The following XXYLT1 variants were observed in gnomAD, a reference collection of about 807,000 sequenced individuals.
XXYLT1 encodes the protein xyloside xylosyltransferase 1.
XXYLT1 carries 20 observed loss-of-function variants against 28.9 expected under a neutral mutation model. That is an observed-to-expected ratio of 0.69 (90% CI 0.49 to 1.00). The LOEUF is 1.00. XXYLT1 is among the 50% of genes least tolerant of loss of function. The pLI, the probability that XXYLT1 is intolerant of heterozygous loss-of-function variation, is 0.00. For missense variants in XXYLT1, 542 were observed against 560.1 expected, an observed-to-expected ratio of 0.97 and a Z score of 0.33; for synonymous variants, 257 against 253.8, an observed-to-expected ratio of 1.01 and a Z score of -0.12.
chr3:195,227,772 C>T (rs911970103), intron 1 of XXYLT1, among the ~76,000 whole-genome samples: 2 of 152,200 alleles, frequency 1.3e-5, no homozygotes, highest in African/African-American at 4.8e-5. Context: ...CCACCATAAA[C>T]GCATCCTCAT....
chr3:195,263,537 C>T (rs1354386214), intron 1 of XXYLT1, among the ~76,000 whole-genome samples: 2 of 152,208 alleles, frequency 1.3e-5, no homozygotes, highest in Non-Finnish European at 2.9e-5. Context: ...CCAGGCGCCC[C>T]TCACGCTGTG....
chr3:195,260,451 G>A (rs1319785383), intron 1 of XXYLT1, among the ~76,000 whole-genome samples: 1 of 152,172 alleles, frequency 6.6e-6, no homozygotes, highest in Non-Finnish European at 1.5e-5. Flanking sequence ...TGACCCCCCT[G>A]GGCAGCCTCG....
rs2108736795 is a variant in XXYLT1, at chr3:195,180,859, C to T, written c.653-24278G>A. 6.6e-6 allele frequency among the ~76,000 whole-genome samples: 1 copy of T among 152,376 alleles called. No individual in the cohort carries two copies. The highest frequency in any genetic ancestry group is 1.9e-4 in the East Asian group (1 of 5,194). On this transcript the variant is annotated intron_variant, in intron 2 of 3. Coordinates refer to ENST00000310380, the MANE Select transcript of XXYLT1 (RefSeq NM_152531.5). The surrounding 1 kb of genome is among the most constrained non-coding windows in gnomAD (Gnocchi z 5.8). The stretch of plus-strand genomic sequence containing the variant: ...TGCTCGTGAGGGGTCCTCAAGGCCA[C>T]TGTCGCCCAGACCTTTAGCTATACA...
chr3:195,114,999 C>T (rs1052448099), intron 3 of XXYLT1, among the ~76,000 whole-genome samples: 20 of 152,214 alleles, frequency 1.3e-4, no homozygotes, highest in African/African-American at 2.2e-4. Context: ...AGGCCCCACC[C>T]GTTCCACTCG....
chr3:195,204,191 A>ATCTT (rs1722968531), intron 2 of XXYLT1, among the ~76,000 whole-genome samples: 1 of 151,836 alleles, frequency 6.6e-6, no homozygotes, highest in Non-Finnish European at 1.5e-5. Context: ...AAACATACAA[A>ATCTT]GATTAGCCGG....
intron 2 of XXYLT1, among the ~76,000 whole-genome samples, chr3:195,204,795 A>G (rs1177220337): frequency 6.6e-6 from 1 of 152,262 alleles, no homozygotes; most frequent in East Asian, 1.9e-4. Context: ...TAGGAAACGC[A>G]GGGGCAGACA....
At chr3:195,092,749 A>G (rs1716184871) in intron 3 of XXYLT1, among the ~76,000 whole-genome samples, 1 of 113,094 alleles carries the variant, frequency 8.8e-6, no homozygotes, top group Admixed American at 8.2e-5. Flanking sequence ...GGCAACCTAC[A>G]GAATGGGAGA....
intron 3 of XXYLT1, among the ~76,000 whole-genome samples, chr3:195,075,664 T>G (rs888607475): frequency 2.6e-5 from 4 of 152,150 alleles, no homozygotes; most frequent in Admixed American, 2.6e-4. Flanking sequence ...GAGAGCTGGG[T>G]GCCCGAGTGG....
In XXYLT1 at chr3:195,255,291, G is replaced by A. The variant is rs372517483; in HGVS notation, c.504+15264C>T. Among the ~76,000 whole-genome samples, 46 of 152,322 alleles carry A rather than the reference G, an allele frequency of 3.0e-4. No individual in the cohort carries two copies. In the South Asian group the frequency reaches 9.1e-3, roughly 30 times the overall value. ...ACGGCAGGACTGGGGCTGCAGGAGTGCAGAGCCAGGTGGGAGACAGCAGCG... is the reference window on the plus strand; with the variant it reads ...ACGGCAGGACTGGGGCTGCAGGAGTACAGAGCCAGGTGGGAGACAGCAGCG... On this transcript the variant is annotated intron_variant, in intron 1 of 3. Transcript: ENST00000310380. The surrounding 1 kb of genome is among the most constrained non-coding windows in gnomAD (Gnocchi z 4.5).
intron 2 of XXYLT1, among the ~76,000 whole-genome samples, chr3:195,166,091 T>A (rs1262933535): frequency 6.6e-6 from 1 of 151,856 alleles, no homozygotes; most frequent in African/African-American, 2.4e-5. Context: ...AGGCTCCAAT[T>A]TTCATTGGAA....
At chr3:195,070,167 C>T in intron 3 of XXYLT1, 56 bp from the exon 4 acceptor site, 1 of 1,499,536 alleles carries the variant, frequency 6.7e-7, no homozygotes, top group Non-Finnish European at 8.8e-7. Flanking sequence ...GCCTGCCGGC[C>T]TGCTGCCCTG....
chr3:195,112,735 G>C (rs1369888062), intron 3 of XXYLT1, among the ~76,000 whole-genome samples: 1 of 136,378 alleles, frequency 7.3e-6, no homozygotes, highest in African/African-American at 2.8e-5. Context: ...GCCCCGGGTG[G>C]TAGGAACAGC....
chr3:195,270,199 T>A, intron 1 of XXYLT1: 1 of 522,876 alleles, frequency 1.9e-6, no homozygotes, highest in South Asian at 1.6e-5. Flanking sequence ...TCCTCAGAAG[T>A]CAAAAACTGA....
At chr3:195,149,846 T>C (rs748400733) in intron 3 of XXYLT1, among the ~76,000 whole-genome samples, 4 of 152,198 alleles carry the variant, frequency 2.6e-5, no homozygotes, top group Non-Finnish European at 5.9e-5. Flanking sequence ...TGATGGTAAT[T>C]TCCGCAGAAG....
At position 195,176,571 on chromosome 3, in the gene XXYLT1, T is replaced by C. The variant is rs138467530; in HGVS notation, c.653-19990A>G. On this transcript the variant is annotated intron_variant, in intron 2 of 3. Coordinates refer to ENST00000310380, the MANE Select transcript of XXYLT1 (RefSeq NM_152531.5). The surrounding 1 kb of genome is among the most constrained non-coding windows in gnomAD (Gnocchi z 4.9). Reference sequence around the variant, plus strand: ...CCTCTGACACACTGGTATAATTTGATTAATTTATCGTGTTTATTAAGCTCC... The same window carrying C: ...CCTCTGACACACTGGTATAATTTGACTAATTTATCGTGTTTATTAAGCTCC... Among the ~76,000 whole-genome samples the C allele has an allele frequency of 1.1e-4, 16 of 152,340 alleles. No individual in the cohort carries two copies. The highest frequency in any genetic ancestry group is 3.6e-4 in the African/African-American group (15 of 41,564).
chr3:195,072,561 G>A (rs1173933252), intron 3 of XXYLT1, among the ~76,000 whole-genome samples: 1 of 152,154 alleles, frequency 6.6e-6, no homozygotes, highest in African/African-American at 2.4e-5. Context: ...TGGGGACAAT[G>A]CTCAGCACCA....
At chr3:195,245,543 GA>G (rs1724985274) in intron 1 of XXYLT1, among the ~76,000 whole-genome samples, 1 of 152,188 alleles carries the variant, frequency 6.6e-6, no homozygotes, top group Non-Finnish European at 1.5e-5. Context: ...AAGGGGTCCA[GA>G]AGCCATTTAA....
At chr3:195,138,840 G>A (rs1474772368) in intron 3 of XXYLT1, among the ~76,000 whole-genome samples, 5 of 132,784 alleles carry the variant, frequency 3.8e-5, no homozygotes, top group African/African-American at 1.5e-4. Context: ...GGGCAACAAA[G>A]TGAGACTCTG....
intron 2 of XXYLT1, among the ~76,000 whole-genome samples, chr3:195,223,818 C>T (rs959944210): frequency 6.6e-6 from 1 of 152,192 alleles, no homozygotes; most frequent in African/African-American, 2.4e-5. Context: ...ATTTTAGTAA[C>T]TCCTAATAAC....
Sources: allele counts gnomAD v4.1 joint callset (sites outside exome capture counted in the v4.1 genomes callset), GRCh38; gene constraint gnomAD v4.1.1; non-coding constraint Gnocchi (gnomAD v3.1); transcripts MANE v1.5; gene names NCBI Gene and HGNC (gene_info 2026-07-23, HGNC 2026-07-21).